RAB8A: variants seen among roughly 807,000 people sequenced by gnomAD.
The protein encoded by RAB8A is ras-related protein Rab-8A.
In RAB8A, 5 loss-of-function variants were observed where a neutral mutation model predicts 29.2. The ratio of observed to expected loss-of-function variants is 0.17; its 90% CI spans 0.09 to 0.36. RAB8A has a LOEUF of 0.36. Ranked by LOEUF, RAB8A falls within the 10% of genes least tolerant of loss-of-function variation. The probability of loss-of-function intolerance (pLI) is 1.00; values close to 1 mark genes in which losing one functional copy is unlikely to be tolerated. For missense variants in RAB8A, 171 were observed against 272.2 expected (o/e 0.63, Z 2.62); for synonymous variants, 108 against 99.9 (o/e 1.08, Z -0.49).
rs77699768 is a variant in RAB8A, at chr19:16,113,394, A to ATTTATTTTAT, written c.124+1383_124+1392dup. 1.1e-4 allele frequency among the ~76,000 whole-genome samples: 17 copies of ATTTATTTTAT among 151,168 alleles called. No homozygotes were observed. In the South Asian group the frequency reaches 1.3e-3, roughly 11 times the overall value. On this transcript the variant is annotated intron_variant, in intron 1 of 7. Coordinates refer to ENST00000300935, the MANE Select transcript of RAB8A (RefSeq NM_005370.5). ...TGCCCTCCTCCAGGAGCTATGCTTT[A>ATTTATTTTAT]TTTATTTTATTTTATTTTATTTTTT...
rs763106031 is a variant in RAB8A at position 16,125,969 on chromosome 19, G to C, written c.324+422G>C. 5 of 320,886 alleles carry C rather than the reference G, an allele frequency of 1.6e-5. No individual in the cohort carries two copies. The highest frequency in any genetic ancestry group is 3.1e-5 in the Non-Finnish European group (5 of 159,238). The allele number at this position is 320,886 out of a possible 1,614,324, so 19.9% of individuals were successfully genotyped here. A position where few individuals can be genotyped will look rare whatever the true frequency, so the allele number is the denominator to read the frequency against. ...GAGCAGGGTGTGACCTGGTACAAAC[G>C]ACCTGTGTTCAGACCTTGAACCATA... On this transcript the variant is annotated intron_variant, in intron 4 of 7. Coordinates refer to ENST00000300935, the MANE Select transcript of RAB8A (RefSeq NM_005370.5). This position sits in a 1 kb window ranked among gnomAD's most constrained non-coding sequence, Gnocchi z 5.0.
chr19:16,121,696 T>A, intron 2 of RAB8A, 54 bp from the exon 3 acceptor site: 1 of 1,532,170 alleles, frequency 6.5e-7, no homozygotes, highest in Non-Finnish European at 9.0e-7. Flanking sequence ...TGTCTCCTAC[T>A]GAGGACAGTT....
At position 16,134,188 on chromosome 19, in the gene RAB8A, G is replaced by A. The variant is rs1198120063; in HGVS notation, c.*1884G>A. ...GCATCCAGAATCCTCTCACAGTGGG[G>A]TCACACACCCCATGCTTAACTCCCC... On this transcript the variant is annotated 3_prime_UTR_variant, in exon 8 of 8. Transcript: ENST00000300935. The A allele has an allele frequency of 6.6e-6, 1 of 152,276 alleles. No individual in the cohort carries two copies. Among genetic ancestry groups the A allele is most frequent in the Non-Finnish European group, 1.5e-5 (1 of 68,104 alleles). The allele number at this position is 152,276 out of a possible 1,614,324, so 9.4% of individuals were successfully genotyped here.
At chr19:16,131,960 A>ATTGG (rs2090926632) in intron 7 of RAB8A, among the ~76,000 whole-genome samples, 1 of 146,510 alleles carries the variant, frequency 6.8e-6, no homozygotes, top group Admixed American at 6.8e-5. Flanking sequence ...TTGATGGCTG[A>ATTGG]TTGGTTGGTT....
intron 7 of RAB8A, among the ~76,000 whole-genome samples, chr19:16,130,416 G>A (rs1049356579): frequency 5.3e-5 from 8 of 152,130 alleles, no homozygotes; most frequent in Non-Finnish European, 8.8e-5. Flanking sequence ...ACAAAATGCC[G>A]TTCAAGTTTT....
At chr19:16,130,594 T>C (rs2090920716) in intron 7 of RAB8A, among the ~76,000 whole-genome samples, 1 of 152,204 alleles carries the variant, frequency 6.6e-6, no homozygotes, top group Non-Finnish European at 1.5e-5. Flanking sequence ...CTTGCAATTT[T>C]TTTTCTTCAG....
chr19:16,118,502 A>C (rs2090857260), intron 2 of RAB8A, among the ~76,000 whole-genome samples: 1 of 152,134 alleles, frequency 6.6e-6, no homozygotes, highest in Admixed American at 6.5e-5. Context: ...CTACAGCATC[A>C]TAGGCACAAA....
In RAB8A at chr19:16,132,985, T is replaced by C. The variant is rs17722795; in HGVS notation, c.*681T>C. The C allele has an allele frequency of 0.14, 21,737 of 152,694 alleles. 1,837 individuals are homozygous for C. The highest frequency in any genetic ancestry group is 0.29 in the East Asian group (1,511 of 5,158). 9.5% of individuals were successfully genotyped at this position (152,694 alleles called of 1,614,324 possible). On this transcript the variant is annotated 3_prime_UTR_variant, in exon 8 of 8. Transcript: ENST00000300935. This position sits in a 1 kb window ranked among gnomAD's most constrained non-coding sequence, Gnocchi z 5.6. ...CCTGTCCACAGCCAGGGGTTAGGTC[T>C]GCAGGCCCGTCTGCGGTCCCCATCG...
intron 2 of RAB8A, among the ~76,000 whole-genome samples, chr19:16,121,204 A>G (rs569070187): frequency 6.6e-6 from 1 of 152,326 alleles, no homozygotes; most frequent in African/African-American, 2.4e-5. Flanking sequence ...GATGTGAGCC[A>G]CTGCGCCCGG....
intron 6 of RAB8A, 123 bp downstream of exon 6, chr19:16,128,214 C>A: frequency 2.0e-6 from 2 of 1,017,314 alleles, no homozygotes; most frequent in Non-Finnish European, 3.0e-6. Flanking sequence ...TCAGGGCTGC[C>A]AGTCAGTCCT....
chr19:16,127,464 A>G lies in RAB8A; in HGVS notation c.352A>G (p.Ile118Val), dbSNP rs1317165266. The stretch of plus-strand genomic sequence containing the variant: ...CGCCTCTGCAGACGTCGAAAAGATG[A>G]TACTCGGGAACAAGTGTGATGTGAA... ...EHASADVEKM[I>V]LGNKCDVNDK... The change falls in exon 5 of 8, where the codon ATA becomes GTA. Residue 118 changes from isoleucine to valine, a missense_variant. Transcript: ENST00000300935. This position sits in a 1 kb window ranked among gnomAD's most constrained non-coding sequence, Gnocchi z 4.8. 4.6e-6 allele frequency: 7 copies of G among 1,532,350 alleles called. No individual in the cohort carries two copies. The highest frequency in any genetic ancestry group is 6.1e-6 in the Non-Finnish European group (7 of 1,144,238). The allele number at this position is 1,532,350 out of a possible 1,614,324, so 94.9% of individuals were successfully genotyped here.
At chr19:16,113,424 C>T (rs1821990088) in intron 1 of RAB8A, among the ~76,000 whole-genome samples, 1 of 141,480 alleles carries the variant, frequency 7.1e-6, no homozygotes, top group Non-Finnish European at 1.6e-5. Flanking sequence ...TTTTTTGAGA[C>T]GGAGTCTAGC....
rs945103524 is a variant in RAB8A at position 16,127,726 on chromosome 19, A to G, written c.414+200A>G. The stretch of plus-strand genomic sequence containing the variant: ...TGCGGGCATCTCATCAAAACCTACC[A>G]TGGCCCCGCTCCAGACTTTCAAGAC... On this transcript the variant is annotated intron_variant, in intron 5 of 7. Coordinates refer to ENST00000300935, the MANE Select transcript of RAB8A (RefSeq NM_005370.5). This position sits in a 1 kb window ranked among gnomAD's most constrained non-coding sequence, Gnocchi z 4.8. 1.7e-6 allele frequency: 1 copy of G among 602,584 alleles called. No individual in the cohort carries two copies. Among genetic ancestry groups the G allele is most frequent in the African/African-American group, 1.9e-5 (1 of 53,886 alleles). The allele number at this position is 602,584 out of a possible 1,614,324, so 37.3% of individuals were successfully genotyped here.
At chr19:16,129,949 G>C (rs1272702495) in intron 7 of RAB8A, among the ~76,000 whole-genome samples, 1 of 152,130 alleles carries the variant, frequency 6.6e-6, no homozygotes, top group Non-Finnish European at 1.5e-5. Flanking sequence ...GGTCGCTTGG[G>C]CAGGGCCAGG....
In RAB8A at chr19:16,127,955, C is replaced by A. The variant is rs775586650; in HGVS notation, c.415-71C>A. On this transcript the variant is annotated intron_variant, in intron 5 of 7. Transcript: ENST00000300935. This position sits in a 1 kb window ranked among gnomAD's most constrained non-coding sequence, Gnocchi z 4.8. ...CTCTTGGCGCCGGCCCTGCCTTCAG[C>A]TCCTGTTTTAGGCAAGCTCAGATGC... 6.5e-7 allele frequency: 1 copy of A among 1,529,826 alleles called. No homozygotes were observed. Among genetic ancestry groups the A allele is most frequent in the South Asian group, 1.1e-5 (1 of 89,288 alleles). The allele number at this position is 1,529,826 out of a possible 1,614,324, so 94.8% of individuals were successfully genotyped here.
At chr19:16,113,460 G>T (rs189593372) in intron 1 of RAB8A, among the ~76,000 whole-genome samples, 1 of 152,050 alleles carries the variant, frequency 6.6e-6, no homozygotes, top group Non-Finnish European at 1.5e-5. Context: ...GGAATCCAGC[G>T]GCAGGATCTC....
rs2090942644 is a variant in RAB8A, at chr19:16,134,021, A to G, written c.*1717A>G. The G allele has an allele frequency of 6.6e-6, 1 of 152,200 alleles. No individual in the cohort carries two copies. The highest frequency in any genetic ancestry group is 1.5e-5 in the Non-Finnish European group (1 of 68,136). 9.4% of individuals were successfully genotyped at this position (152,200 alleles called of 1,614,324 possible). ...CTTTCCAGGGCATTCCTTCCACTCT[A>G]TCCAGGGTCCTTCCCAAGACCACAC... is the stretch of plus-strand genomic sequence containing the variant. On this transcript the variant is annotated 3_prime_UTR_variant, in exon 8 of 8. Transcript: ENST00000300935.
chr19:16,121,884 C>A, intron 3 of RAB8A, 74 bp downstream of exon 3: 1 of 1,426,326 alleles, frequency 7.0e-7, no homozygotes, highest in Non-Finnish European at 9.9e-7. Flanking sequence ...CATTGGTTAC[C>A]GAAGCCTAGA....
In RAB8A at chr19:16,121,759, C is replaced by T. The variant is rs149024078; in HGVS notation, c.195C>T (p.Ala65=). ...TTCTCTTCATGTTTAGGGACACAGC[C>T]GGTCAGGAACGGTTTCGGACGATCA... ...KRIKLQIWDT[A]GQERFRTITT... is the part of the protein sequence containing the mutation. The change falls in exon 3 of 8, where the codon GCC becomes GCT. Residue 65 remains alanine, a synonymous_variant. Transcript: ENST00000300935. 18 of 1,613,846 alleles carry T rather than the reference C, an allele frequency of 1.1e-5. No homozygotes were observed. Among genetic ancestry groups the T allele is most frequent in the East Asian group, 6.7e-5 (3 of 44,888 alleles).
Sources: allele counts gnomAD v4.1 joint callset (sites outside exome capture counted in the v4.1 genomes callset), GRCh38; gene constraint gnomAD v4.1.1; non-coding constraint Gnocchi (gnomAD v3.1); transcripts MANE v1.5; gene names NCBI Gene and HGNC (gene_info 2026-07-23, HGNC 2026-07-21).